The following ASPRV1 variants were observed in gnomAD, a reference collection of about 807,000 sequenced individuals.
ASPRV1 encodes the protein aspartic peptidase retroviral like 1.
In ASPRV1, 7 loss-of-function variants were observed where a neutral mutation model predicts 11.0. The observed-to-expected ratio is 0.64, with a 90% CI of 0.36 to 1.20. The LOEUF is 1.20. Among genes scored for constraint, ASPRV1 ranks in the 50% most tolerant of loss-of-function variants. ASPRV1 has a pLI of 0.02. For synonymous variants in ASPRV1, 136 were observed against 138.4 expected, an observed-to-expected ratio of 0.98 and a Z score of 0.12; for missense variants, 299 against 320.0, an observed-to-expected ratio of 0.93 and a Z score of 0.50.
chr2:69,990,209 A>T, the ASPRV1 span, among the ~76,000 whole-genome samples: 1 of 151,984 alleles, frequency 6.6e-6, no homozygotes, highest in South Asian at 2.1e-4. Flanking sequence ...TTTGAAACAG[A>T]GTCTCACTCT....
chr2:69,960,555 G>A lies in ASPRV1; in HGVS notation c.*102C>T, dbSNP rs1678049123. ...GGGAGAGAAGAGCAAGAGTTGATAA[G>A]CAGACTGGCCAAGCCCAGTGACCCC... is the stretch of plus-strand genomic sequence containing the variant. On this transcript the variant is annotated 3_prime_UTR_variant, in exon 1 of 1. Coordinates refer to ENST00000320256, the MANE Select transcript of ASPRV1 (RefSeq NM_152792.4). 2.4e-6 allele frequency: 3 copies of A among 1,259,206 alleles called. No individual in the cohort carries two copies. Among genetic ancestry groups the A allele is most frequent in the East Asian group, 2.3e-5 (1 of 42,946 alleles). The allele number at this position is 1,259,206 out of a possible 1,614,324, so 78.0% of individuals were successfully genotyped here. A position where few individuals can be genotyped will look rare whatever the true frequency, so the allele number is the denominator to read the frequency against.
At chr2:69,954,634 T>C in the ASPRV1 span, among the ~76,000 whole-genome samples, 1 of 152,180 alleles carries the variant, frequency 6.6e-6, no homozygotes, top group Non-Finnish European at 1.5e-5. Flanking sequence ...AGCAGGCTTG[T>C]CCTTGCCTCC....
At chr2:69,996,705 G>A in the ASPRV1 span, 1 of 456,582 alleles carries the variant, frequency 2.2e-6, no homozygotes, top group Admixed American at 2.4e-5. Flanking sequence ...ACTGGTTGAT[G>A]TCAAGGGTCC....
At chr2:69,983,270 G>A in the ASPRV1 span, among the ~76,000 whole-genome samples, 2 of 152,220 alleles carry the variant, frequency 1.3e-5, no homozygotes, top group Admixed American at 1.3e-4. Context: ...TGTACTGGAT[G>A]CTCAAGTTCT....
At chr2:70,032,395 A>G in the ASPRV1 span, 5 of 151,952 alleles carry the variant, frequency 3.3e-5, no homozygotes, top group African/African-American at 1.2e-4. Context: ...GTGGCTCACA[A>G]TTATAATCTC....
the ASPRV1 span, among the ~76,000 whole-genome samples, chr2:69,978,927 A>G: frequency 3.3e-5 from 5 of 152,118 alleles, no homozygotes; most frequent in Admixed American, 1.3e-4. Context: ...TTATTTCCTT[A>G]GATACTCATG....
the ASPRV1 span, chr2:69,994,014 C>CT: frequency 1.3e-5 from 2 of 152,260 alleles, no homozygotes; most frequent in Non-Finnish European, 2.9e-5. Flanking sequence ...TTTGATTAAG[C>CT]TATTTCTGAG....
At chr2:69,980,644 G>A in the ASPRV1 span, among the ~76,000 whole-genome samples, 6 of 152,320 alleles carry the variant, frequency 3.9e-5, no homozygotes, top group South Asian at 2.1e-4. Flanking sequence ...ACCAATGTTA[G>A]TTTATTAGTT....
At chr2:69,960,009 A>C (rs1252930791), downstream of ASPRV1, 2 of 152,440 alleles carry the variant, frequency 1.3e-5, no homozygotes, top group Non-Finnish European at 2.9e-5. Flanking sequence ...CTAGGCACTC[A>C]GTAGACATGT....
chr2:70,039,164 T>C, the ASPRV1 span, among the ~76,000 whole-genome samples: 1 of 152,126 alleles, frequency 6.6e-6, no homozygotes, highest in Non-Finnish European at 1.5e-5. Context: ...AAAAGTACTC[T>C]GAGGAACAGG....
chr2:70,079,308 A>C, the ASPRV1 span, among the ~76,000 whole-genome samples: 3 of 150,926 alleles, frequency 2.0e-5, no homozygotes, highest in Non-Finnish European at 2.9e-5. Flanking sequence ...CCCTGTCTCT[A>C]CAAAAAAAAA....
chr2:69,951,279 C>G, the ASPRV1 span, among the ~76,000 whole-genome samples: 1 of 151,808 alleles, frequency 6.6e-6, no homozygotes, highest in African/African-American at 2.4e-5. Flanking sequence ...CAAAAATTAG[C>G]TGGGCATGGT....
the ASPRV1 span, among the ~76,000 whole-genome samples, chr2:70,034,154 T>TAA: frequency 0.14 from 9,353 of 69,098 alleles, 878 homozygotes; most frequent in East Asian, 0.28. Context: ...CTCCATCTCA[T>TAA]AAAAAAAAAA....
the ASPRV1 span, chr2:70,000,676 G>T: frequency 6.7e-6 from 1 of 149,522 alleles, no homozygotes; most frequent in African/African-American, 2.5e-5. Flanking sequence ...TATAGTCCCA[G>T]TTACTTGGGA....
At chr2:70,004,803 C>A in the ASPRV1 span, among the ~76,000 whole-genome samples, 4 of 152,226 alleles carry the variant, frequency 2.6e-5, no homozygotes, top group South Asian at 2.1e-4. Context: ...TGGTTCCAGG[C>A]ACTTGAACCA....
At chr2:70,032,883 T>TC in the ASPRV1 span, among the ~76,000 whole-genome samples, 1 of 152,046 alleles carries the variant, frequency 6.6e-6, no homozygotes, top group Admixed American at 6.6e-5. Flanking sequence ...AAGTTTGCTG[T>TC]CCCCCTTTGG....
the ASPRV1 span, chr2:70,018,148 T>A: frequency 6.7e-6 from 1 of 149,040 alleles, no homozygotes; most frequent in Non-Finnish European, 1.5e-5. Context: ...AATAAATAAA[T>A]AAATAAAATA....
chr2:70,084,825 G>C, the ASPRV1 span, among the ~76,000 whole-genome samples: 1 of 152,178 alleles, frequency 6.6e-6, no homozygotes, highest in African/African-American at 2.4e-5. Flanking sequence ...CCAGCACACA[G>C]TAAGCACCTA....
chr2:69,944,217 T>C, the ASPRV1 span, among the ~76,000 whole-genome samples: 4 of 152,242 alleles, frequency 2.6e-5, no homozygotes, highest in South Asian at 8.3e-4. Context: ...AGCTTTGAAC[T>C]GTAGATAATT....
Sources: gnomAD v4.1 joint callset for allele counts (sites outside exome capture counted in the v4.1 genomes callset) on GRCh38, gnomAD v4.1.1 for gene constraint, MANE v1.5 for transcripts, NCBI Gene and HGNC (gene_info 2026-07-23, HGNC 2026-07-21) for gene names.